L3MBTL3: variants seen among roughly 807,000 people sequenced by gnomAD.
L3MBTL3 encodes the protein lethal(3)malignant brain tumor-like protein 3.
L3MBTL3 carries 27 observed loss-of-function variants against 102.3 expected under a neutral mutation model. The ratio of observed to expected loss-of-function variants is 0.26; its 90% CI spans 0.19 to 0.36. The LOEUF is 0.36. Ranked by LOEUF, L3MBTL3 falls within the 10% of genes least tolerant of loss-of-function variation. The pLI, the probability that L3MBTL3 is intolerant of heterozygous loss-of-function variation, is 1.00. For missense variants in L3MBTL3, 798 were observed against 955.3 expected (o/e 0.84, Z 2.17); for synonymous variants, 340 against 320.9 (o/e 1.06, Z -0.64).
chr6:130,046,952 A>G (rs968726059), intron 3 of L3MBTL3, among the ~76,000 whole-genome samples: 4 of 152,238 alleles, frequency 2.6e-5, no homozygotes, highest in African/African-American at 9.6e-5. Context: ...ATTTTCTATC[A>G]TAGCAATGTT....
intron 2 of L3MBTL3, among the ~76,000 whole-genome samples, chr6:130,035,437 T>C (rs1321593671): frequency 2.0e-5 from 3 of 152,142 alleles, no homozygotes; most frequent in Non-Finnish European, 4.4e-5. Context: ...AGGAGAGAGA[T>C]AGGAGGTAAT....
intron 18 of L3MBTL3, among the ~76,000 whole-genome samples, chr6:130,101,450 C>G (rs940878610): frequency 6.6e-6 from 1 of 152,162 alleles, no homozygotes; most frequent in Non-Finnish European, 1.5e-5. Context: ...CACAAGGGAC[C>G]GAGGCTTCCC....
chr6:130,115,200 TAAGCTATTTTGAA>T lies in L3MBTL3; in HGVS notation c.1887-5675_1887-5663del, dbSNP rs547529604. Among the ~76,000 whole-genome samples the T allele has an allele frequency of 1.3e-3, 193 of 152,274 alleles. 1 individual carries two copies. The highest frequency in any genetic ancestry group is 4.5e-3 in the African/African-American group (187 of 41,552). On this transcript the variant is annotated intron_variant, in intron 19 of 22. Transcript: ENST00000361794. ...CTGCAAAGGCCCCATGAGACTAGAATAAGCTATTTTGAAAAGAGAAGGGTGGCGTTATTTTAAA... is the reference window on the plus strand; with the variant it reads ...CTGCAAAGGCCCCATGAGACTAGAATAAGAGAAGGGTGGCGTTATTTTAAA...
Position 130,055,179 on chromosome 6 carries a change from A to T in L3MBTL3, c.591A>T (p.Lys197Asn). 1 of 1,613,672 alleles carries T rather than the reference A, an allele frequency of 6.2e-7. No individual in the cohort carries two copies. Among genetic ancestry groups the T allele is most frequent in the Non-Finnish European group, 8.5e-7 (1 of 1,179,602 alleles). Residue 197 changes from lysine to asparagine, a missense_variant, in exon 8 of 23, where the codon AAA becomes AAT. Coordinates refer to ENST00000361794, the MANE Select transcript of L3MBTL3 (RefSeq NM_032438.4). ...GEERDDEMEN[K>N]QDVRILRGSQ... is the part of the protein sequence containing the mutation. ...TTCCTTTCTTTTTGTAGGAGAACAAACAAGATGTAAGAATCCTGAGGGGTT... is the reference window on the plus strand; with the variant it reads ...TTCCTTTCTTTTTGTAGGAGAACAATCAAGATGTAAGAATCCTGAGGGGTT...
chr6:130,043,838 G>A (rs1015734231), intron 3 of L3MBTL3, among the ~76,000 whole-genome samples: 4 of 152,138 alleles, frequency 2.6e-5, no homozygotes, highest in African/African-American at 9.7e-5. Context: ...TTAGATTTTA[G>A]TTGGGTTGGG....
intron 19 of L3MBTL3, among the ~76,000 whole-genome samples, chr6:130,115,754 TAAG>T (rs1785628582): frequency 2.0e-5 from 3 of 150,906 alleles, no homozygotes; most frequent in Admixed American, 1.3e-4. Flanking sequence ...TATTCTTGAG[TAAG>T]ATTTCACTAT....
chr6:130,136,577 G>A (rs1787692081), intron 22 of L3MBTL3, among the ~76,000 whole-genome samples: 1 of 151,568 alleles, frequency 6.6e-6, no homozygotes, highest in African/African-American at 2.4e-5. Flanking sequence ...TGCTCCTGCT[G>A]CCCATTCATC....
intron 22 of L3MBTL3, among the ~76,000 whole-genome samples, chr6:130,136,092 C>T (rs1787626021): frequency 7.8e-6 from 1 of 128,486 alleles, no homozygotes; most frequent in Non-Finnish European, 1.6e-5. Context: ...CACCCTACTG[C>T]CACCACCACC....
chr6:130,114,745 G>A (rs572328920), intron 19 of L3MBTL3, among the ~76,000 whole-genome samples: 6 of 152,108 alleles, frequency 3.9e-5, no homozygotes, highest in South Asian at 2.1e-4. Context: ...CAGTAAAACC[G>A]TTGCTGTTGT....
At chr6:130,076,712 A>T (rs1439544239) in intron 13 of L3MBTL3, among the ~76,000 whole-genome samples, 1 of 152,166 alleles carries the variant, frequency 6.6e-6, no homozygotes. Context: ...TCTACTTTTG[A>T]ACACTAGATG....
intron 13 of L3MBTL3, among the ~76,000 whole-genome samples, chr6:130,072,314 ATAAAG>A (rs1171237035): frequency 6.6e-6 from 1 of 152,112 alleles, no homozygotes; most frequent in Non-Finnish European, 1.5e-5. Context: ...TATAAGGGAG[ATAAAG>A]TAAACAGAAA....
intron 9 of L3MBTL3, among the ~76,000 whole-genome samples, chr6:130,058,795 A>C (rs1036388246): frequency 6.6e-6 from 1 of 152,224 alleles, no homozygotes; most frequent in African/African-American, 2.4e-5. Flanking sequence ...CTCATGGTGC[A>C]CTGGCTTTGA....
intron 2 of L3MBTL3, among the ~76,000 whole-genome samples, chr6:130,034,724 C>CT (rs1271825537): frequency 4.6e-5 from 7 of 152,338 alleles, no homozygotes; most frequent in African/African-American, 1.7e-4. Flanking sequence ...AGCGCTATGA[C>CT]TAAGAGCATG....
chr6:130,038,715 A>G (rs1269663146), intron 2 of L3MBTL3, among the ~76,000 whole-genome samples: 4 of 152,078 alleles, frequency 2.6e-5, no homozygotes, highest in Non-Finnish European at 4.4e-5. Flanking sequence ...CCCACTTTGT[A>G]GGTTTTCTCT....
At chr6:130,060,903 G>T (rs1033565787) in intron 10 of L3MBTL3, among the ~76,000 whole-genome samples, 4 of 151,840 alleles carry the variant, frequency 2.6e-5, no homozygotes, top group Non-Finnish European at 5.9e-5. Flanking sequence ...ATAGTCTTGT[G>T]TACTAGTTTG....
chr6:130,055,095 T>C, intron 7 of L3MBTL3, 76 bp from the exon 8 acceptor site: 1 of 1,056,780 alleles, frequency 9.5e-7, no homozygotes, highest in Non-Finnish European at 1.5e-6. Flanking sequence ...AAAAAGTGCT[T>C]TCTGATAGCT....
At chr6:130,050,581 T>TG (rs1047013783) in intron 5 of L3MBTL3, among the ~76,000 whole-genome samples, 45 of 152,234 alleles carry the variant, frequency 3.0e-4, no homozygotes, top group African/African-American at 1.1e-3. Flanking sequence ...CCTCTAGTAT[T>TG]GCATGTATCA....
intron 1 of L3MBTL3, among the ~76,000 whole-genome samples, chr6:130,021,120 G>T (rs1778985067): frequency 6.6e-6 from 1 of 152,026 alleles, no homozygotes; most frequent in African/African-American, 2.4e-5. Flanking sequence ...GGATTTTTGC[G>T]CAAGTTTTTA....
chr6:130,063,775 A>G (rs1355301698), intron 10 of L3MBTL3, among the ~76,000 whole-genome samples: 3 of 152,172 alleles, frequency 2.0e-5, no homozygotes, highest in Non-Finnish European at 2.9e-5. Flanking sequence ...CCTCAGCACT[A>G]TGTCAGGGGC....
Sources: gnomAD v4.1 joint callset for allele counts (sites outside exome capture counted in the v4.1 genomes callset) on GRCh38, gnomAD v4.1.1 for gene constraint, MANE v1.5 for transcripts, NCBI Gene and HGNC (gene_info 2026-07-23, HGNC 2026-07-21) for gene names.